ARMC9: variants seen among roughly 807,000 people sequenced by gnomAD.
ARMC9 encodes the protein lisH domain-containing protein ARMC9.
Under a neutral mutation model 107.0 loss-of-function variants are expected in ARMC9, and 94 were observed. The ratio of observed to expected loss-of-function variants is 0.88; its 90% confidence interval spans 0.74 to 1.04. ARMC9 has a LOEUF of 1.04. Ranked by LOEUF, ARMC9 falls within the 50% of genes least tolerant of loss-of-function variation. ARMC9 has a pLI of 0.00. For synonymous variants in ARMC9, 380 were observed against 396.9 expected, an observed-to-expected ratio of 0.96 and a Z score of 0.51; for missense variants, 942 against 1,030.1, an observed-to-expected ratio of 0.91 and a Z score of 1.17.
chr2:231,355,974 G>A lies in ARMC9; in HGVS notation c.2131+40G>A, dbSNP rs558178556. ...AGCACACTGGGTCAGTTCTGGGATT[G>A]TGATGTCTAGAACCTACGCAAAACA... is the stretch of plus-strand genomic sequence containing the variant. On this transcript the variant is annotated intron_variant, in intron 22 of 24. Transcript: ENST00000611582. 1.1e-4 allele frequency: 171 copies of A among 1,520,248 alleles called. 3 individuals are homozygous for A. The South Asian group carries it at 1.8e-3, about 16-fold the overall frequency. 94.2% of individuals were successfully genotyped at this position (1,520,248 alleles called of 1,614,324 possible).
At chr2:231,309,752 C>T (rs931047951) in intron 19 of ARMC9, among the ~76,000 whole-genome samples, 2 of 150,722 alleles carry the variant, frequency 1.3e-5, no homozygotes, top group South Asian at 4.2e-4. Context: ...GATGTTTTTT[C>T]CAATTGAAGT....
intron 19 of ARMC9, among the ~76,000 whole-genome samples, chr2:231,308,041 G>T (rs978892589): frequency 3.3e-5 from 5 of 152,198 alleles, no homozygotes; most frequent in Non-Finnish European, 5.9e-5. Flanking sequence ...AAAGCTGGAA[G>T]GATGAATTGG....
At position 231,345,052 on chromosome 2, in the gene ARMC9, G is replaced by T. The variant is rs780363119; in HGVS notation, c.1956G>T (p.Arg652Ser). ...VQWSGDEPLQ[R>S]PVTPGGHRNG... ...GGAGCGGGGATGAGCCCCTGCAAAG[G>T]CCCGTCACCCCCGGCGGCCACAGAA... Residue 652 changes from arginine (R) to serine (S), a missense_variant, in exon 21 of 25, where the codon AGG (arginine) becomes AGT (serine). Transcript: ENST00000611582. The T allele has an allele frequency of 6.2e-7, 1 of 1,613,830 alleles. No individual in the cohort carries two copies. The highest frequency in any genetic ancestry group is 8.5e-7 in the Non-Finnish European group (1 of 1,179,950).
chr2:231,339,999 G>C (rs928616300), intron 20 of ARMC9, among the ~76,000 whole-genome samples: 1 of 152,158 alleles, frequency 6.6e-6, no homozygotes, highest in African/African-American at 2.4e-5. Context: ...TAGCATTTTT[G>C]GCTGGGCCTG....
At chr2:231,217,899 G>A (rs2033696049) in intron 5 of ARMC9, among the ~76,000 whole-genome samples, 2 of 152,052 alleles carry the variant, frequency 1.3e-5, no homozygotes, top group African/African-American at 4.8e-5. Context: ...CACCATGTTG[G>A]CCAGGCTGGT....
intron 5 of ARMC9, 86 bp downstream of exon 5, chr2:231,216,879 C>A: frequency 6.9e-7 from 1 of 1,450,304 alleles, no homozygotes. Flanking sequence ...CTGAATGATG[C>A]TTTAAAAAAA....
intron 19 of ARMC9, among the ~76,000 whole-genome samples, chr2:231,318,872 G>A (rs1038363631): frequency 6.6e-6 from 1 of 152,202 alleles, no homozygotes; most frequent in Non-Finnish European, 1.5e-5. Context: ...AGCGGTAAAA[G>A]CAAAGCAGAC....
At chr2:231,277,587 G>A (rs1370328757) in intron 15 of ARMC9, among the ~76,000 whole-genome samples, 2 of 143,204 alleles carry the variant, frequency 1.4e-5, no homozygotes, top group Non-Finnish European at 3.0e-5. Context: ...TTGAGATGAA[G>A]TCACGCTCCA....
intron 19 of ARMC9, among the ~76,000 whole-genome samples, chr2:231,302,798 T>C (rs545006010): frequency 1.3e-5 from 2 of 150,772 alleles, no homozygotes; most frequent in South Asian, 4.2e-4. Context: ...AGGTCAGGAG[T>C]TTTGAGACCA....
chr2:231,341,279 C>T (rs1236877522), intron 20 of ARMC9, among the ~76,000 whole-genome samples: 2 of 152,208 alleles, frequency 1.3e-5, no homozygotes, highest in East Asian at 3.8e-4. Flanking sequence ...CATTCACATG[C>T]CTGTTGCCTC....
rs371310658 is a variant in ARMC9, at chr2:231,333,772, A to G, written c.1878+1875A>G. 2.0e-5 allele frequency among the ~76,000 whole-genome samples: 3 copies of G among 152,330 alleles called. No individual in the cohort carries two copies. In the East Asian group the frequency reaches 5.8e-4, roughly 29 times the overall value. ...TACCCCTGACCACACTACCGCACAG[A>G]CAGACACGCAGGCACGTAAACATGA... On this transcript the variant is annotated intron_variant, in intron 20 of 24. Transcript: ENST00000611582.
chr2:231,303,884 C>T (rs184795069), intron 19 of ARMC9, among the ~76,000 whole-genome samples: 30 of 152,164 alleles, frequency 2.0e-4, no homozygotes, highest in East Asian at 3.9e-4. Context: ...TGCAGTGAGC[C>T]GAGATTGCGC....
At chr2:231,313,303 C>CTGCATGTCA (rs1267073422) in intron 19 of ARMC9, among the ~76,000 whole-genome samples, 1 of 152,202 alleles carries the variant, frequency 6.6e-6, no homozygotes, top group African/African-American at 2.4e-5. Context: ...CTCATGCTTG[C>CTGCATGTCA]TGTTTGCATG....
At chr2:231,216,887 AAAC>A in intron 5 of ARMC9, 94 bp downstream of exon 5, 1 of 1,409,514 alleles carries the variant, frequency 7.1e-7, no homozygotes, top group Non-Finnish European at 9.6e-7. Context: ...TGCTTTAAAA[AAAC>A]TAAAATTTGC....
chr2:231,371,138 G>A (rs1053042826), intron 24 of ARMC9: 49 of 505,740 alleles, frequency 9.7e-5, no homozygotes, highest in Non-Finnish European at 1.5e-4. Context: ...GGAGGAAGGT[G>A]CCACTGGGGC....
At chr2:231,245,837 C>G (rs1377946687) in intron 9 of ARMC9, among the ~76,000 whole-genome samples, 1 of 152,170 alleles carries the variant, frequency 6.6e-6, no homozygotes, top group African/African-American at 2.4e-5. Context: ...CCCCCTGTTC[C>G]CCCTGGGCAA....
intron 12 of ARMC9, among the ~76,000 whole-genome samples, chr2:231,270,041 C>T (rs944708365): frequency 1.3e-5 from 2 of 152,058 alleles, no homozygotes; most frequent in East Asian, 1.9e-4. Context: ...CTGGGTGGGC[C>T]GTTTGCTGGG....
chr2:231,256,320 C>T (rs1158146422), intron 9 of ARMC9: 46 of 1,550,778 alleles, frequency 3.0e-5, no homozygotes, highest in Non-Finnish European at 3.6e-5. Context: ...TGCTTGCTCG[C>T]TGGGTCTTGG....
intron 4 of ARMC9, 129 bp from the exon 5 acceptor site, chr2:231,216,509 C>T: frequency 9.7e-7 from 1 of 1,029,438 alleles, no homozygotes; most frequent in Non-Finnish European, 1.4e-6. Flanking sequence ...AGACAATGCA[C>T]CTGCCAGGTT....
Sources: allele counts gnomAD v4.1 joint callset (sites outside exome capture counted in the v4.1 genomes callset), GRCh38; gene constraint gnomAD v4.1.1; transcripts MANE v1.5; gene names NCBI Gene and HGNC (gene_info 2026-07-23, HGNC 2026-07-21).